Variants in ST8SIA2 observed in about 807,000 individuals in gnomAD.
ST8SIA2 encodes the protein ST8 alpha-N-acetyl-neuraminide alpha-2,8-sialyltransferase 2, also known as alpha-2,8-sialyltransferase 8B.
In ST8SIA2, 22 loss-of-function variants were observed where a neutral mutation model predicts 37.6. The ratio of observed to expected loss-of-function variants is 0.58; its 90% confidence interval spans 0.42 to 0.83. ST8SIA2 has a LOEUF of 0.83. Ranked by LOEUF, ST8SIA2 falls within the 40% of genes least tolerant of loss-of-function variation. The pLI is 0.00. For synonymous variants in ST8SIA2, 205 were observed against 201.2 expected (o/e 1.02, Z -0.16); for missense variants, 382 against 484.7 (o/e 0.79, Z 1.99).
intron 1 of ST8SIA2, among the ~76,000 whole-genome samples, chr15:92,399,365 C>T (rs1480901795): frequency 2.0e-5 from 3 of 152,192 alleles, no homozygotes; most frequent in African/African-American, 4.8e-5. Context: ...GGTCCTAGTG[C>T]ACCTCAGCCA....
intron 1 of ST8SIA2, among the ~76,000 whole-genome samples, chr15:92,410,979 G>A (rs191773982): frequency 1.2e-4 from 19 of 152,328 alleles, no homozygotes; most frequent in Admixed American, 7.2e-4. Flanking sequence ...CATTTGTGAC[G>A]CGGCTGCCAC....
chr15:92,457,765 G>A (rs79846035), intron 5 of ST8SIA2, among the ~76,000 whole-genome samples: 4,752 of 152,262 alleles, frequency 0.031, 112 homozygotes, highest in Non-Finnish European at 0.051. Flanking sequence ...TGGCGCTCCC[G>A]TGTCCCTGTC....
intron 5 of ST8SIA2, 116 bp from the exon 6 acceptor site, chr15:92,463,984 G>C (rs769676577): frequency 7.1e-7 from 1 of 1,411,476 alleles, no homozygotes; most frequent in Non-Finnish European, 9.4e-7. Context: ...AGCTTGATCG[G>C]TCCCTGGAGT....
At chr15:92,414,000 G>T (rs923658445) in intron 1 of ST8SIA2, among the ~76,000 whole-genome samples, 1 of 152,202 alleles carries the variant, frequency 6.6e-6, no homozygotes, top group Non-Finnish European at 1.5e-5. Flanking sequence ...AGCCCAAAGT[G>T]GGAGTCTGTG....
At chr15:92,397,268 T>A (rs2049438621) in intron 1 of ST8SIA2, among the ~76,000 whole-genome samples, 1 of 152,230 alleles carries the variant, frequency 6.6e-6, no homozygotes, top group Non-Finnish European at 1.5e-5. Flanking sequence ...AAGCTTTTGA[T>A]TCTCTTTTTT....
chr15:92,461,425 C>T (rs1339294601), intron 5 of ST8SIA2, among the ~76,000 whole-genome samples: 2 of 152,210 alleles, frequency 1.3e-5, no homozygotes, highest in African/African-American at 4.8e-5. Flanking sequence ...CGTCATGAGC[C>T]ATAGCACAGA....
intron 1 of ST8SIA2, among the ~76,000 whole-genome samples, chr15:92,419,317 T>A (rs1014337166): frequency 1.3e-5 from 2 of 151,924 alleles, no homozygotes; most frequent in Non-Finnish European, 2.9e-5. Flanking sequence ...CCTGAGAAAG[T>A]TTGCAAAGAG....
At chr15:92,430,143 T>A in intron 2 of ST8SIA2, 32 bp downstream of exon 2, 1 of 1,608,038 alleles carries the variant, frequency 6.2e-7, no homozygotes, top group Non-Finnish European at 8.5e-7. Context: ...TTCATTTGTT[T>A]TTGCTGTAAG....
In ST8SIA2 at chr15:92,413,822, A is replaced by G. The variant is rs145459990; in HGVS notation, c.99-16227A>G. 4.4e-3 allele frequency among the ~76,000 whole-genome samples: 669 copies of G among 152,282 alleles called. 10 individuals carry two copies. Among genetic ancestry groups the G allele is most frequent in the African/African-American group, 0.015 (637 of 41,564 alleles). ...CCGGCCCTCTTTCTTGCAGTTTTCT[A>G]TAAGAAATTGATGGCAGGAGTGTGG... On this transcript the variant is annotated intron_variant, in intron 1 of 5. Coordinates refer to ENST00000268164, the MANE Select transcript of ST8SIA2 (RefSeq NM_006011.4).
At chr15:92,412,694 G>C (rs563668217) in intron 1 of ST8SIA2, among the ~76,000 whole-genome samples, 2 of 152,096 alleles carry the variant, frequency 1.3e-5, no homozygotes, top group Non-Finnish European at 2.9e-5. Context: ...GTCTTGCTCT[G>C]TCACCCAGGC....
intron 5 of ST8SIA2, 189 bp downstream of exon 5, chr15:92,445,118 C>T: frequency 1.2e-6 from 1 of 816,688 alleles, no homozygotes; most frequent in South Asian, 1.7e-5. Context: ...AAGTGGGTTT[C>T]ATCTGGCATG....
At chr15:92,403,543 G>A (rs2049486279) in intron 1 of ST8SIA2, among the ~76,000 whole-genome samples, 1 of 152,192 alleles carries the variant, frequency 6.6e-6, no homozygotes, top group Admixed American at 6.5e-5. Flanking sequence ...ACCTGGGGAG[G>A]TGTGAGCACT....
intron 5 of ST8SIA2, among the ~76,000 whole-genome samples, chr15:92,458,269 G>A (rs1034224650): frequency 6.6e-6 from 1 of 152,178 alleles, no homozygotes; most frequent in Non-Finnish European, 1.5e-5. Flanking sequence ...AGACTTTGAA[G>A]TTCTCCAAGG....
At chr15:92,420,565 G>C (rs2049625764) in intron 1 of ST8SIA2, among the ~76,000 whole-genome samples, 1 of 152,162 alleles carries the variant, frequency 6.6e-6, no homozygotes, top group Non-Finnish European at 1.5e-5. Context: ...ACCAATAAAA[G>C]CTGATTAACA....
intron 1 of ST8SIA2, among the ~76,000 whole-genome samples, chr15:92,402,756 C>T (rs953198983): frequency 1.3e-5 from 2 of 152,174 alleles, no homozygotes; most frequent in Non-Finnish European, 2.9e-5. Context: ...GCCTCTGCCT[C>T]CCCACATTTC....
intron 5 of ST8SIA2, among the ~76,000 whole-genome samples, chr15:92,456,470 T>A (rs2049920571): frequency 6.6e-6 from 1 of 152,196 alleles, no homozygotes; most frequent in Non-Finnish European, 1.5e-5. Context: ...GTACATTTGC[T>A]TATAGAATTT....
intron 5 of ST8SIA2, among the ~76,000 whole-genome samples, chr15:92,456,450 C>G (rs557837690): frequency 3.1e-4 from 47 of 152,154 alleles, no homozygotes; most frequent in Non-Finnish European, 6.0e-4. Context: ...TATACAGAAG[C>G]AGGAAGTCAG....
chr15:92,432,217 C>T (rs1458060581), intron 2 of ST8SIA2, among the ~76,000 whole-genome samples: 1 of 152,146 alleles, frequency 6.6e-6, no homozygotes, highest in East Asian at 1.9e-4. Flanking sequence ...CTCCTCATCA[C>T]CAACATTAAA....
intron 3 of ST8SIA2, among the ~76,000 whole-genome samples, chr15:92,434,639 C>G (rs951828621): frequency 6.6e-6 from 1 of 151,634 alleles, no homozygotes; most frequent in Non-Finnish European, 1.5e-5. Flanking sequence ...AACCTTGAGT[C>G]TCGGGTCAGC....
Sources: gnomAD v4.1 joint callset for allele counts (sites outside exome capture counted in the v4.1 genomes callset) on GRCh38, gnomAD v4.1.1 for gene constraint, MANE v1.5 for transcripts, NCBI Gene and HGNC (gene_info 2026-07-23, HGNC 2026-07-21) for gene names.